Variants in ZNF385B observed in about 807,000 individuals in gnomAD.
The protein encoded by ZNF385B is zinc finger protein 385B, also known as zinc finger protein 533.
ZNF385B carries 23 observed loss-of-function variants against 39.2 expected under a neutral mutation model. That is an observed-to-expected ratio of 0.59 (90% CI 0.42 to 0.83). ZNF385B has a LOEUF of 0.83. Ranked by LOEUF, ZNF385B falls within the 40% of genes least tolerant of loss-of-function variation. The pLI is 0.00. For missense variants in ZNF385B, 552 were observed against 598.9 expected (o/e 0.92, Z 0.82); for synonymous variants, 205 against 222.6 (o/e 0.92, Z 0.70).
intron 3 of ZNF385B, among the ~76,000 whole-genome samples, chr2:179,577,159 C>T (rs771320923): frequency 6.6e-6 from 1 of 152,234 alleles, no homozygotes; most frequent in Admixed American, 6.5e-5. Flanking sequence ...CTAAGACTTT[C>T]CAAGAAGCTT....
intron 6 of ZNF385B, among the ~76,000 whole-genome samples, chr2:179,468,669 T>G (rs1432601387): frequency 6.6e-6 from 1 of 152,196 alleles, no homozygotes; most frequent in Non-Finnish European, 1.5e-5. Flanking sequence ...CTCTCTAGAT[T>G]CAGAAAACAG....
intron 3 of ZNF385B, among the ~76,000 whole-genome samples, chr2:179,672,557 T>C (rs959645908): frequency 1.3e-5 from 2 of 152,042 alleles, no homozygotes; most frequent in African/African-American, 4.8e-5. Context: ...CTCCCAAATT[T>C]TATGTTGAAA....
intron 1 of ZNF385B, among the ~76,000 whole-genome samples, chr2:179,821,294 G>A (rs141529721): frequency 1.9e-3 from 285 of 152,182 alleles, no homozygotes; most frequent in African/African-American, 6.4e-3. Flanking sequence ...CTTTGTGAGT[G>A]AATTTCTTTA....
rs1238272824 is a variant in ZNF385B at position 179,761,113 on chromosome 2, A to G, written c.298+8390T>C. ...TTTCATCTCTCTCTCTCTCTCTCCA[A>G]TAAAACCACTGTCTTGATTACTTTA... On this transcript the variant is annotated intron_variant, in intron 3 of 9. Coordinates refer to ENST00000410066, the MANE Select transcript of ZNF385B (RefSeq NM_152520.6). Among the ~76,000 whole-genome samples, 5 of 152,104 alleles carry G rather than the reference A, an allele frequency of 3.3e-5. No individual in the cohort carries two copies. The South Asian group carries it at 6.2e-4, about 19-fold the overall frequency.
intron 6 of ZNF385B, among the ~76,000 whole-genome samples, chr2:179,473,541 T>A (rs373170007): frequency 7.2e-5 from 11 of 152,182 alleles, no homozygotes; most frequent in African/African-American, 2.7e-4. Context: ...AAAAAAATTA[T>A]GCTTTAAGTT....
intron 5 of ZNF385B, among the ~76,000 whole-genome samples, chr2:179,489,095 C>T (rs1032234796): frequency 2.0e-5 from 3 of 152,122 alleles, no homozygotes; most frequent in African/African-American, 7.2e-5. Flanking sequence ...ATCAAGGAAG[C>T]TCCATGAAAA....
intron 3 of ZNF385B, among the ~76,000 whole-genome samples, chr2:179,729,824 A>G (rs1701271527): frequency 6.6e-6 from 1 of 152,012 alleles, no homozygotes; most frequent in Admixed American, 6.6e-5. Context: ...ATGAGATCTG[A>G]TGGTTTTATA....
At chr2:179,620,527 T>A (rs1170576278) in intron 3 of ZNF385B, among the ~76,000 whole-genome samples, 1 of 151,982 alleles carries the variant, frequency 6.6e-6, no homozygotes, top group African/African-American at 2.4e-5. Flanking sequence ...ATGAGAAAAA[T>A]GCATTCTCTA....
intron 1 of ZNF385B, among the ~76,000 whole-genome samples, chr2:179,854,971 CA>C (rs1309479013): frequency 6.6e-6 from 1 of 152,112 alleles, no homozygotes; most frequent in African/African-American, 2.4e-5. Context: ...AAACTGTACT[CA>C]TCTACAGTTC....
chr2:179,632,512 A>C (rs1410215626), intron 3 of ZNF385B, among the ~76,000 whole-genome samples: 1 of 152,218 alleles, frequency 6.6e-6, no homozygotes, highest in Non-Finnish European at 1.5e-5. Flanking sequence ...ATGAGAACAA[A>C]GACACAACAT....
At position 179,498,828 on chromosome 2, in the gene ZNF385B, G is replaced by GA. The variant is rs533663541; in HGVS notation, c.553-15395dup. On this transcript the variant is annotated intron_variant, in intron 5 of 9. Transcript: ENST00000410066. ...TTTTGTAGAAAAAAAGAATAGAGTA[G>GA]AAATAAATAAAATTGACATGAAAAA... is the stretch of plus-strand genomic sequence containing the variant. 1.3e-3 allele frequency among the ~76,000 whole-genome samples: 204 copies of GA among 151,170 alleles called. 1 individual carries two copies. Among genetic ancestry groups the GA allele is most frequent in the African/African-American group, 4.7e-3 (193 of 41,318 alleles).
chr2:179,646,267 T>G (rs1692710245), intron 3 of ZNF385B, among the ~76,000 whole-genome samples: 1 of 152,142 alleles, frequency 6.6e-6, no homozygotes, highest in Non-Finnish European at 1.5e-5. Context: ...GTACAAAAAT[T>G]AGCTGGATAT....
intron 6 of ZNF385B, among the ~76,000 whole-genome samples, chr2:179,478,083 GA>G (rs2053616727): frequency 6.6e-6 from 1 of 152,150 alleles, no homozygotes; most frequent in East Asian, 1.9e-4. Context: ...CGTGAAACAA[GA>G]AACCCCAAGT....
At chr2:179,585,742 A>G (rs970110043) in intron 3 of ZNF385B, 3 of 152,146 alleles carry the variant, frequency 2.0e-5, no homozygotes, top group Non-Finnish European at 4.4e-5. Flanking sequence ...TTAATCAGTG[A>G]TTTGATAGGA....
At chr2:179,490,791 C>G (rs2055137911) in intron 5 of ZNF385B, among the ~76,000 whole-genome samples, 1 of 152,086 alleles carries the variant, frequency 6.6e-6, no homozygotes, top group African/African-American at 2.4e-5. Flanking sequence ...CCTAGATATT[C>G]ACTGATGCTA....
chr2:179,505,907 T>C (rs1315335864), intron 5 of ZNF385B, among the ~76,000 whole-genome samples: 2 of 152,160 alleles, frequency 1.3e-5, no homozygotes, highest in Non-Finnish European at 1.5e-5. Context: ...AATAGTTTTC[T>C]CTGAAAAACA....
At position 179,859,247 on chromosome 2, in the gene ZNF385B, C is replaced by T. The variant is rs1357352987; in HGVS notation, c.-155+1854G>A. On this transcript the variant is annotated intron_variant, in intron 1 of 9. Transcript: ENST00000410066. ...CTCTCTGATTTGACTATAGAGGAGA[C>T]ACCTCCGTTTGGTTTCCTTTGTACC... 2.0e-5 allele frequency among the ~76,000 whole-genome samples: 3 copies of T among 152,288 alleles called. No individual in the cohort carries two copies. In the East Asian group the frequency reaches 5.8e-4, roughly 29 times the overall value.
intron 3 of ZNF385B, among the ~76,000 whole-genome samples, chr2:179,720,595 T>C (rs1283643354): frequency 6.6e-6 from 1 of 151,390 alleles, no homozygotes; most frequent in African/African-American, 2.4e-5. Flanking sequence ...ACACATAAGA[T>C]GGTAGAAGAG....
intron 1 of ZNF385B, among the ~76,000 whole-genome samples, chr2:179,832,888 GA>G (rs1234916286): frequency 6.6e-6 from 1 of 152,112 alleles, no homozygotes; most frequent in Non-Finnish European, 1.5e-5. Context: ...CCTTCAACAA[GA>G]AATGTTTTAT....
Sources: gnomAD v4.1 joint callset for allele counts (sites outside exome capture counted in the v4.1 genomes callset) on GRCh38, gnomAD v4.1.1 for gene constraint, MANE v1.5 for transcripts, NCBI Gene and HGNC (gene_info 2026-07-23, HGNC 2026-07-21) for gene names.